The following RILPL1 variants were observed in gnomAD, a reference collection of about 807,000 sequenced individuals.
The protein encoded by RILPL1 is RILP-like protein 1.
In RILPL1, 33 loss-of-function variants were observed where a neutral mutation model predicts 50.3. The observed-to-expected ratio is 0.66, with a 90% CI of 0.50 to 0.88. RILPL1 has a LOEUF of 0.88. Among genes scored for constraint, RILPL1 ranks in the 40% least tolerant of loss-of-function variants. RILPL1 has a pLI of 0.00. For missense variants in RILPL1, 418 were observed against 542.5 expected (o/e 0.77, Z 2.28); for synonymous variants, 205 against 228.6 (o/e 0.90, Z 0.93).
intron 1 of RILPL1, 91 bp from the exon 2 acceptor site, chr12:123,523,736 G>A: frequency 6.9e-7 from 1 of 1,456,034 alleles, no homozygotes; most frequent in South Asian, 1.3e-5. Flanking sequence ...TGGGTTGCTG[G>A]GACTTTGGGC....
intron 2 of RILPL1, among the ~76,000 whole-genome samples, chr12:123,521,636 T>TTA (rs1566144340): frequency 0.01 from 181 of 17,398 alleles, 2 homozygotes; most frequent in African/African-American, 0.02. Context: ...TATACACACA[T>TTA]ATGTGTATAT....
chr12:123,506,123 C>G (rs1232972570), intron 2 of RILPL1, among the ~76,000 whole-genome samples: 1 of 152,232 alleles, frequency 6.6e-6, no homozygotes. Flanking sequence ...CCCATGCAGA[C>G]CATGGGTGCA....
In RILPL1 at chr12:123,521,572, TAC is replaced by T. The variant is rs201530873; in HGVS notation, c.460+1921_460+1922del. Among the ~76,000 whole-genome samples, 105 of 24,478 alleles carry T rather than the reference TAC, an allele frequency of 4.3e-3. 2 individuals carry two copies. The highest frequency in any genetic ancestry group is 8.8e-3 in the East Asian group (2 of 226). 16.1% of individuals were successfully genotyped at this position (24,478 alleles called of 152,430 possible). ...ATGTGTGTATATATATTAATATATATACACACATATGTGTATATATATATTAA... is the reference window on the plus strand; with the variant it reads ...ATGTGTGTATATATATTAATATATATACACATATGTGTATATATATATTAA... On this transcript the variant is annotated intron_variant, in intron 2 of 6. Coordinates refer to ENST00000376874, the MANE Select transcript of RILPL1 (RefSeq NM_178314.5).
intron 2 of RILPL1, among the ~76,000 whole-genome samples, chr12:123,521,024 A>G (rs1409271074): frequency 6.6e-6 from 1 of 152,188 alleles, no homozygotes; most frequent in Non-Finnish European, 1.5e-5. Context: ...TGACTCTGCC[A>G]CTAACTTGCT....
intron 6 of RILPL1, chr12:123,475,401 A>C: frequency 2.1e-6 from 1 of 487,598 alleles, no homozygotes; most frequent in East Asian, 3.7e-5. Flanking sequence ...GATCATGGGC[A>C]AGGTGGTTTT....
chr12:123,475,718 GC>G (rs1881544355), intron 6 of RILPL1: 5 of 1,593,174 alleles, frequency 3.1e-6, no homozygotes, highest in Non-Finnish European at 4.2e-6. Context: ...TATCAGTCCC[GC>G]TGCTACCATA....
chr12:123,481,572 T>C (rs1229632483), intron 6 of RILPL1, among the ~76,000 whole-genome samples: 1 of 151,796 alleles, frequency 6.6e-6, no homozygotes, highest in Non-Finnish European at 1.5e-5. Flanking sequence ...TTTTTTTTTT[T>C]TGAGGCGGAG....
intron 4 of RILPL1, among the ~76,000 whole-genome samples, chr12:123,486,888 AC>A (rs1882377477): frequency 6.7e-6 from 1 of 150,108 alleles, no homozygotes; most frequent in Admixed American, 6.7e-5. Flanking sequence ...AAACTCCACC[AC>A]CCGGGTTCAA....
rs536796187 is a variant in RILPL1, at chr12:123,512,743, TTG to T, written c.460+10750_460+10751del. Among the ~76,000 whole-genome samples, 104 of 113,504 alleles carry T rather than the reference TTG, an allele frequency of 9.2e-4. 1 individual carries two copies. Among genetic ancestry groups the T allele is most frequent in the East Asian group, 2.0e-3 (7 of 3,448 alleles). 74.5% of individuals were successfully genotyped at this position (113,504 alleles called of 152,430 possible). A position where few individuals can be genotyped will look rare whatever the true frequency, so the allele number is the denominator to read the frequency against. ...GAGGTCTGTGTGTGGTGTGTGAAGT[TTG>T]TGTGTGTGTGTGGTATGTGTGAGGT... On this transcript the variant is annotated intron_variant, in intron 2 of 6. Coordinates refer to ENST00000376874, the MANE Select transcript of RILPL1 (RefSeq NM_178314.5).
In RILPL1 at chr12:123,532,708, G is replaced by A. The variant is rs1051643151; in HGVS notation, c.309+466C>T. On this transcript the variant is annotated intron_variant, in intron 1 of 6. Transcript: ENST00000376874. ...TCCCTTTGCTCTGGGGAGACTGGGG[G>A]GGGGGGGGATGAAGAAAGGGTCCTG... 1.4e-4 allele frequency among the ~76,000 whole-genome samples: 19 copies of A among 134,322 alleles called. 2 individuals carry two copies. Among genetic ancestry groups the A allele is most frequent in the African/African-American group, 3.9e-4 (13 of 33,526 alleles). 88.1% of individuals were successfully genotyped at this position (134,322 alleles called of 152,430 possible). A position where few individuals can be genotyped will look rare whatever the true frequency, so the allele number is the denominator to read the frequency against.
rs1253706420 is a variant in RILPL1, at chr12:123,489,624, A to C, written c.802-3819T>G. Among the ~76,000 whole-genome samples the C allele has an allele frequency of 6.6e-6, 1 of 151,752 alleles. No individual in the cohort carries two copies. The highest frequency in any genetic ancestry group is 2.4e-5 in the African/African-American group (1 of 41,134). On this transcript the variant is annotated intron_variant, in intron 4 of 6. Transcript: ENST00000376874. The surrounding 1 kb of genome is among the most constrained non-coding windows in gnomAD (Gnocchi z 4.0). The stretch of plus-strand genomic sequence containing the variant: ...GGTTACAGTGAGCTGACACGGTGCC[A>C]CTGTACTCCAGCCTGGGCGACAGAG...
rs1593546055 is a variant in RILPL1 at position 123,489,284 on chromosome 12, G to C, written c.802-3479C>G. Among the ~76,000 whole-genome samples, 1 of 152,166 alleles carries C rather than the reference G, an allele frequency of 6.6e-6. No homozygotes were observed. The highest frequency in any genetic ancestry group is 1.5e-5 in the Non-Finnish European group (1 of 68,040). On this transcript the variant is annotated intron_variant, in intron 4 of 6. Transcript: ENST00000376874. The surrounding 1 kb of genome is among the most constrained non-coding windows in gnomAD (Gnocchi z 4.0). ...CACCTGTAATCCCAGTACTTTGGGAGGCTGAGGCAGGCGGATCACCTGAAG... is the reference window on the plus strand; with the variant it reads ...CACCTGTAATCCCAGTACTTTGGGACGCTGAGGCAGGCGGATCACCTGAAG...
chr12:123,497,963 C>G (rs1409655096), intron 4 of RILPL1, among the ~76,000 whole-genome samples: 1 of 152,226 alleles, frequency 6.6e-6, no homozygotes, highest in African/African-American at 2.4e-5. Flanking sequence ...TCTGGACTAA[C>G]TAATGTCTGC....
intron 6 of RILPL1, 184 bp from the exon 7 acceptor site, chr12:123,472,866 G>T: frequency 1.6e-6 from 1 of 618,954 alleles, no homozygotes; most frequent in Non-Finnish European, 2.8e-6. Context: ...TATTCTGCGT[G>T]TCATTTGGAC....
intron 1 of RILPL1, among the ~76,000 whole-genome samples, chr12:123,530,160 T>A (rs1418567859): frequency 6.6e-6 from 1 of 152,134 alleles, no homozygotes; most frequent in Admixed American, 6.6e-5. Context: ...TTAACCTCAC[T>A]GGTTTGTTGT....
At chr12:123,515,802 A>AG (rs1214414748) in intron 2 of RILPL1, among the ~76,000 whole-genome samples, 4 of 150,092 alleles carry the variant, frequency 2.7e-5, no homozygotes, top group African/African-American at 7.3e-5. Context: ...TGGGAGGGTT[A>AG]GGGGGGCAGA....
At chr12:123,505,564 C>T (rs1883693251) in intron 2 of RILPL1, among the ~76,000 whole-genome samples, 1 of 152,160 alleles carries the variant, frequency 6.6e-6, no homozygotes, top group Non-Finnish European at 1.5e-5. Flanking sequence ...GCAATCCTCC[C>T]ACCTGAGTCC....
chr12:123,505,087 C>T (rs1314704302), intron 2 of RILPL1, among the ~76,000 whole-genome samples: 1 of 152,158 alleles, frequency 6.6e-6, no homozygotes, highest in Non-Finnish European at 1.5e-5. Context: ...ATTGCCCAGG[C>T]TGGAGTGCAG....
chr12:123,496,292 G>A, intron 4 of RILPL1, among the ~76,000 whole-genome samples: 1 of 152,194 alleles, frequency 6.6e-6, no homozygotes, highest in South Asian at 2.1e-4. Context: ...GGGATTACAG[G>A]TGTGAGCCAC....
Sources: allele counts gnomAD v4.1 joint callset (sites outside exome capture counted in the v4.1 genomes callset), GRCh38; gene constraint gnomAD v4.1.1; non-coding constraint Gnocchi (gnomAD v3.1); transcripts MANE v1.5; gene names NCBI Gene and HGNC (gene_info 2026-07-23, HGNC 2026-07-21).